PSMD4: variants seen among roughly 807,000 people sequenced by gnomAD.
The protein encoded by PSMD4 is 26S proteasome non-ATPase regulatory subunit 4.
PSMD4 carries 5 observed loss-of-function variants against 39.7 expected under a neutral mutation model. The ratio of observed to expected loss-of-function variants is 0.13; its 90% CI spans 0.07 to 0.26. The LOEUF (loss-of-function observed/expected upper bound fraction) is 0.26. Among genes scored for constraint, PSMD4 ranks in the 10% least tolerant of loss-of-function variants. PSMD4 has a pLI of 1.00. For synonymous variants in PSMD4, 143 were observed against 174.6 expected (o/e 0.82, Z 1.43); for missense variants, 272 against 486.1 (o/e 0.56, Z 4.14).
In PSMD4 at chr1:151,264,020, G is replaced by A. The variant is rs186973011; in HGVS notation, c.274G>A (p.Val92Met). 1.4e-5 allele frequency: 23 copies of A among 1,591,136 alleles called. No individual in the cohort carries two copies. Among genetic ancestry groups the A allele is most frequent in the Non-Finnish European group, 7.7e-6 (9 of 1,167,772 alleles). Residue 92 changes from valine to methionine, a missense_variant, in exon 3 of 10, where the codon GTG becomes ATG. Coordinates refer to ENST00000368884, the MANE Select transcript of PSMD4 (RefSeq NM_002810.4). ...GKITFCTGIR[V>M]AHLALKHRQG... ...GATCACCTTCTGCACGGGCATCCGCGTGGCCCATGTGAGTCCTACTGGGTT... is the reference window on the plus strand; with the variant it reads ...GATCACCTTCTGCACGGGCATCCGCATGGCCCATGTGAGTCCTACTGGGTT...
At position 151,266,254 on chromosome 1, in the gene PSMD4, G is replaced by C. The variant is rs933274370; in HGVS notation, c.764-54G>C. The C allele has an allele frequency of 5.0e-6, 8 of 1,611,756 alleles. No individual in the cohort carries two copies. In the African/African-American group the frequency reaches 9.3e-5, roughly 19 times the overall value. The stretch of plus-strand genomic sequence containing the variant: ...TGGGCTAGGAATGGCCTTGGAGGCT[G>C]GCCTGTGTGGATATGGCACCAATTC... On this transcript the variant is annotated intron_variant, in intron 7 of 9. Coordinates refer to ENST00000368884, the MANE Select transcript of PSMD4 (RefSeq NM_002810.4).
Position 151,262,315 on chromosome 1 carries a change from A to G in PSMD4, c.167+14A>G, listed in dbSNP as rs1693336220. On this transcript the variant is annotated intron_variant, in intron 2 of 9. Transcript: ENST00000368884. ...CACACTGGCTAAGTATGGGGGACAG[A>G]GGAGGAGGGGACTCAGTAGGTGGGT... 1 of 1,614,026 alleles carries G rather than the reference A, an allele frequency of 6.2e-7. No individual in the cohort carries two copies. The highest frequency in any genetic ancestry group is 2.2e-5 in the East Asian group (1 of 44,894).
chr1:151,262,644 G>C (rs587729162), intron 2 of PSMD4: 1 of 249,436 alleles, frequency 4.0e-6, no homozygotes, highest in South Asian at 4.7e-5. Flanking sequence ...AGACCAGCCT[G>C]GGCAACAGGA....
chr1:151,262,030 A>G, intron 1 of PSMD4, 131 bp from the exon 2 acceptor site: 1 of 908,194 alleles, frequency 1.1e-6, no homozygotes, highest in Admixed American at 2.6e-5. Flanking sequence ...TCATCTGTAT[A>G]TTTAAAAAAG....
Position 151,263,989 on chromosome 1 carries a change from G to C in PSMD4, c.243G>C (p.Lys81Asn), listed in dbSNP as rs150267583. ...ILSKLHTVQP[K>N]GKITFCTGIR... Reference sequence around the variant, plus strand: ...CCAAGCTACATACTGTCCAACCCAAGGGCAAGATCACCTTCTGCACGGGCA... The same window carrying C: ...CCAAGCTACATACTGTCCAACCCAACGGCAAGATCACCTTCTGCACGGGCA... The change falls in exon 3 of 10, where the codon AAG becomes AAC. Residue 81 changes from lysine (K) to asparagine (N), a missense_variant. Lys to Asn is a moderately conservative substitution (Grantham distance 94). Around this residue, in one of 3 missense-constraint regions of PSMD4, gnomAD observed 153 missense variants for 257.6 expected, o/e 0.59. Coordinates refer to ENST00000368884, the MANE Select transcript of PSMD4 (RefSeq NM_002810.4). The C allele has an allele frequency of 6.2e-7, 1 of 1,605,090 alleles. No individual in the cohort carries two copies. The highest frequency in any genetic ancestry group is 8.5e-7 in the Non-Finnish European group (1 of 1,175,780).
intron 1 of PSMD4, among the ~76,000 whole-genome samples, chr1:151,259,819 G>A (rs975102024): frequency 6.6e-5 from 10 of 152,036 alleles, no homozygotes; most frequent in South Asian, 2.1e-4. Context: ...GGGCTCAAGC[G>A]ATTCTCCCTT....
chr1:151,259,955 T>C (rs2101836488), intron 1 of PSMD4, among the ~76,000 whole-genome samples: 1 of 152,078 alleles, frequency 6.6e-6, no homozygotes, highest in Non-Finnish European at 1.5e-5. Flanking sequence ...TCCCAGCACT[T>C]TGGTAGATTG....
rs752261872 is a variant in PSMD4, at chr1:151,266,316, G to A, written c.772G>A (p.Asp258Asn). The A allele has an allele frequency of 6.8e-6, 11 of 1,614,072 alleles. No homozygotes were observed. The highest frequency in any genetic ancestry group is 8.5e-6 in the Non-Finnish European group (10 of 1,180,052). ...IATTGTEDSD[D>N]ALLKMTISQQ... ...TCTTTTCCTTTTCCCAGACTCAGAC[G>A]ATGCCCTGCTGAAGATGACCATCAG... Residue 258 changes from aspartate (D) to asparagine (N), a missense_variant, in exon 8 of 10, where the codon GAT becomes AAT. Asp to Asn is a conservative substitution (Grantham distance 23). This residue lies in a region of PSMD4 where 113 missense variants were observed against 184.6 expected (regional missense o/e 0.61). Transcript: ENST00000368884.
intron 1 of PSMD4, among the ~76,000 whole-genome samples, chr1:151,258,116 C>T (rs1037282736): frequency 3.3e-5 from 5 of 151,192 alleles, no homozygotes; most frequent in South Asian, 2.1e-4. Context: ...CTCCACCTCC[C>T]GGGTTCAAAT....
At position 151,262,258 on chromosome 1, in the gene PSMD4, C is replaced by T. The variant is rs867277916; in HGVS notation, c.124C>T (p.Arg42Cys). 3 of 1,614,014 alleles carry T rather than the reference C, an allele frequency of 1.9e-6. No homozygotes were observed. Among genetic ancestry groups the T allele is most frequent in the Non-Finnish European group, 2.5e-6 (3 of 1,180,034 alleles). Residue 42 changes from arginine to cysteine, a missense_variant, in exon 2 of 10, where the codon CGC becomes TGC. By Grantham distance (180) the Arg-to-Cys change is radical (BLOSUM62 -3). Transcript: ENST00000368884. Reference sequence around the variant, plus strand: ...CAACATAGTTTGTCATTCAAAGACCCGCAGCAACCCTGAGAACAACGTGGG... The same window carrying T: ...CAACATAGTTTGTCATTCAAAGACCTGCAGCAACCCTGAGAACAACGTGGG... ...AVNIVCHSKT[R>C]SNPENNVGLI... is the part of the protein sequence containing the mutation.
intron 7 of PSMD4, 70 bp from the exon 8 acceptor site, chr1:151,266,238 A>C: frequency 6.2e-7 from 1 of 1,607,538 alleles, no homozygotes; most frequent in Non-Finnish European, 8.5e-7. Context: ...CTGGGCTAGG[A>C]ATGGCCTTGG....
chr1:151,261,925 A>G (rs1421376140), intron 1 of PSMD4, among the ~76,000 whole-genome samples: 1 of 146,528 alleles, frequency 6.8e-6, no homozygotes, highest in Non-Finnish European at 1.5e-5. Flanking sequence ...ACTCTACTCC[A>G]GCCTGAGTGA....
intron 3 of PSMD4, 115 bp from the exon 4 acceptor site, chr1:151,264,717 G>T: frequency 1.3e-6 from 1 of 770,824 alleles, no homozygotes; most frequent in Non-Finnish European, 2.2e-6. Flanking sequence ...GAACGTGATG[G>T]TAGATGGTGT....
intron 1 of PSMD4, among the ~76,000 whole-genome samples, chr1:151,260,422 A>G (rs1693288488): frequency 6.6e-6 from 1 of 152,172 alleles, no homozygotes; most frequent in South Asian, 2.1e-4. Context: ...TAGATCATGA[A>G]AAGTTGCAGG....
At chr1:151,266,259 G>T in intron 7 of PSMD4, 49 bp from the exon 8 acceptor site, 1 of 1,612,650 alleles carries the variant, frequency 6.2e-7, no homozygotes, top group South Asian at 1.1e-5. Flanking sequence ...AGGCTGGCCT[G>T]TGTGGATATG....
chr1:151,266,102 T>A lies in PSMD4; in HGVS notation c.753T>A (p.Thr251=). The change falls in exon 7 of 10, where the codon ACT becomes ACA. Residue 251 remains threonine, a synonymous_variant. Transcript: ENST00000368884. Reference sequence around the variant, plus strand: ...CTGCTGAGGCCGGGATTGCTACGACTGGGACTGAAGGTGAAAGAGGTGGAA... The same window carrying A: ...CTGCTGAGGCCGGGATTGCTACGACAGGGACTGAAGGTGAAAGAGGTGGAA... The part of the protein sequence containing the change: ...ASAAEAGIAT[T]GTEDSDDALL... The A allele has an allele frequency of 6.2e-7, 1 of 1,605,418 alleles. No individual in the cohort carries two copies. The highest frequency in any genetic ancestry group is 8.5e-7 in the Non-Finnish European group (1 of 1,176,306).
chr1:151,266,640 C>A, intron 9 of PSMD4, 53 bp downstream of exon 9: 1 of 1,584,800 alleles, frequency 6.3e-7, no homozygotes, highest in South Asian at 1.1e-5. Context: ...TTTAGATCCT[C>A]ATCCCTCTGG....
rs1693437652 is a variant in PSMD4, at chr1:151,265,855, CG to C, written c.655-148del. 5 of 1,190,060 alleles carry C rather than the reference CG, an allele frequency of 4.2e-6. No individual in the cohort carries two copies. In the South Asian group the frequency reaches 8.3e-5, roughly 20 times the overall value. The allele number at this position is 1,190,060 out of a possible 1,614,324, so 73.7% of individuals were successfully genotyped here. A position where few individuals can be genotyped will look rare whatever the true frequency, so the allele number is the denominator to read the frequency against. On this transcript the variant is annotated intron_variant, in intron 6 of 9. Transcript: ENST00000368884. ...CTCCCAAGTCCTTACTTTTTAATCC[CG>C]TACCACTGCTTATCCCTCCAGCTTC...
intron 2 of PSMD4, 58 bp downstream of exon 2, chr1:151,262,359 T>C: frequency 1.9e-6 from 3 of 1,597,576 alleles, no homozygotes; most frequent in Non-Finnish European, 2.6e-6. Context: ...CATGCTACTC[T>C]TCTTTAGATT....
Sources: gnomAD v4.1 joint callset for allele counts (sites outside exome capture counted in the v4.1 genomes callset) on GRCh38, gnomAD v4.1.1 for gene constraint, gnomAD v4.1.1 regional missense constraint, MANE v1.5 for transcripts, NCBI Gene and HGNC (gene_info 2026-07-23, HGNC 2026-07-21) for gene names.